Variants in CDH23 observed in about 807,000 individuals in gnomAD.
The protein encoded by CDH23 is cadherin-23.
Under a neutral mutation model 317.1 loss-of-function variants are expected in CDH23, and 189 were observed. The ratio of observed to expected loss-of-function variants is 0.60; its 90% CI spans 0.53 to 0.67. The LOEUF (loss-of-function observed/expected upper bound fraction) is 0.67, where lower values mean the gene tolerates loss of function less well. CDH23 is among the 30% of genes least tolerant of loss of function. The pLI, the probability that CDH23 is intolerant of heterozygous loss-of-function variation, is 0.00. For synonymous variants in CDH23, 1,839 were observed against 1,876.8 expected (o/e 0.98, Z 0.52); for missense variants, 4,401 against 4,592.4 (o/e 0.96, Z 1.20).
chr10:71,662,758 G>C (rs189576924), intron 14 of CDH23, among the ~76,000 whole-genome samples: 38 of 152,282 alleles, frequency 2.5e-4, no homozygotes, highest in Non-Finnish European at 5.9e-5. Flanking sequence ...TTGCTCCCTT[G>C]CCCCTTCCCT....
intron 11 of CDH23, among the ~76,000 whole-genome samples, chr10:71,618,835 G>T (rs1861326960): frequency 6.7e-6 from 1 of 149,780 alleles, no homozygotes; most frequent in African/African-American, 2.5e-5. Context: ...TCAAGTGTGT[G>T]TGCACACGTG....
chr10:71,766,860 C>T (rs547230779), intron 38 of CDH23, among the ~76,000 whole-genome samples: 7 of 152,300 alleles, frequency 4.6e-5, no homozygotes, highest in African/African-American at 1.4e-4. Flanking sequence ...AGTGGGCAGG[C>T]GGGGCTGATG....
chr10:71,439,966 T>G (rs1589309640), intron 2 of CDH23, 68 bp downstream of exon 2: 1 of 1,262,902 alleles, frequency 7.9e-7, no homozygotes, highest in Non-Finnish European at 1.1e-6. Context: ...CTGGAGGGTG[T>G]TGGGGCTGGT....
Position 71,739,689 on chromosome 10 carries a change from A to G in CDH23, c.4405A>G (p.Ile1469Val), listed in dbSNP as rs200635365. The change falls in exon 36 of 70, where the codon ATC becomes GTC. Residue 1469 changes from isoleucine (I) to valine (V), a missense_variant. Ile to Val is a conservative substitution (Grantham distance 29). Transcript: ENST00000224721. ...ASGNIAGAFE[I>V]VTTNDSIGEV... ...TGGCAACATCGCGGGGGCCTTTGAG[A>G]TCGTCACCACCAATGACTCCATTGG... is the stretch of plus-strand genomic sequence containing the variant. The G allele has an allele frequency of 2.0e-4, 317 of 1,613,370 alleles. No individual in the cohort carries two copies. The Middle Eastern group carries it at 2.8e-3, about 14-fold the overall frequency.
intron 21 of CDH23, 113 bp downstream of exon 21, chr10:71,694,372 G>A (rs1012036236): frequency 7.5e-6 from 6 of 797,554 alleles, no homozygotes; most frequent in African/African-American, 3.4e-5. Context: ...TTGTGAGAAT[G>A]AGCAAGGGGG....
rs773121051 is a variant in CDH23 at position 71,807,488 on chromosome 10, T to A, written c.8309-28T>A. ...ATGCCCTGCTCCTGGCCCTGCCCCC[T>A]CACCCTGTGCCATGATCCCACCCTC... On this transcript the variant is annotated intron_variant, in intron 58 of 69. Coordinates refer to ENST00000224721, the MANE Select transcript of CDH23 (RefSeq NM_022124.6). 3.7e-6 allele frequency: 6 copies of A among 1,612,836 alleles called. No individual in the cohort carries two copies. In the East Asian group the frequency reaches 1.3e-4, roughly 36 times the overall value.
chr10:71,480,122 G>A lies in CDH23; in HGVS notation c.146-29960G>A, dbSNP rs569745152. Reference sequence around the variant, plus strand: ...TGCTCCCCCACACCTTAGCTGGGAGGTGACACAGGTCATTTCCTCCTGTGG... The same window carrying A: ...TGCTCCCCCACACCTTAGCTGGGAGATGACACAGGTCATTTCCTCCTGTGG... On this transcript the variant is annotated intron_variant, in intron 3 of 69. Transcript: ENST00000224721. Among the ~76,000 whole-genome samples the A allele has an allele frequency of 4.6e-5, 7 of 152,340 alleles. No homozygotes were observed. In the South Asian group the frequency reaches 1.4e-3, roughly 32 times the overall value.
rs532858812 is a variant in CDH23 at position 71,606,738 on chromosome 10, A to T, written c.833-8766A>T. Reference sequence around the variant, plus strand: ...AAAAGAGGATAATGGAGAGAGAGTGACAGGGGTGAGGGTGGGAAGGTGGGG... The same window carrying T: ...AAAAGAGGATAATGGAGAGAGAGTGTCAGGGGTGAGGGTGGGAAGGTGGGG... On this transcript the variant is annotated intron_variant, in intron 9 of 69. Coordinates refer to ENST00000224721, the MANE Select transcript of CDH23 (RefSeq NM_022124.6). 2.0e-5 allele frequency among the ~76,000 whole-genome samples: 3 copies of T among 152,264 alleles called. No homozygotes were observed. In the South Asian group the frequency reaches 6.2e-4, roughly 32 times the overall value.
chr10:71,709,128 G>C lies in CDH23; in HGVS notation c.3137G>C (p.Gly1046Ala). ...AACGTGGATGGGAAGTTCAGCGTGG[G>C]TTACCGCGATGCCGTTGTGAGAACC... ...GGNVDGKFSV[G>A]YRDAVVRTVV... The change falls in exon 27 of 70, where the codon GGT becomes GCT. Residue 1046 changes from glycine to alanine, a missense_variant. Physicochemically the swap from Gly to Ala is moderately conservative, Grantham distance 60. Coordinates refer to ENST00000224721, the MANE Select transcript of CDH23 (RefSeq NM_022124.6). 6.2e-7 allele frequency: 1 copy of C among 1,613,968 alleles called. No individual in the cohort carries two copies. The highest frequency in any genetic ancestry group is 8.5e-7 in the Non-Finnish European group (1 of 1,179,900).
intron 29 of CDH23, 71 bp downstream of exon 29, chr10:71,724,176 C>T: frequency 6.6e-7 from 1 of 1,510,222 alleles, no homozygotes; most frequent in Non-Finnish European, 9.0e-7. Flanking sequence ...TCTAGGCTGC[C>T]AAAGGTCTGG....
intron 11 of CDH23, among the ~76,000 whole-genome samples, chr10:71,625,002 A>G (rs990329453): frequency 6.6e-6 from 1 of 152,108 alleles, no homozygotes; most frequent in African/African-American, 2.4e-5. Flanking sequence ...GATGAGCTTG[A>G]GTGACAGCAT....
In CDH23 at chr10:71,765,965, T is replaced by G. The variant is rs549271446; in HGVS notation, c.4846-11715T>G. Among the ~76,000 whole-genome samples the G allele has an allele frequency of 4.8e-4, 73 of 152,106 alleles. 1 individual carries two copies. Among genetic ancestry groups the G allele is most frequent in the South Asian group, 1.0e-3 (5 of 4,808 alleles). On this transcript the variant is annotated intron_variant, in intron 38 of 69. Transcript: ENST00000224721. Reference sequence around the variant, plus strand: ...ACACCCCATTTACTGTGTCTGAGACTCCAGCTGGGACAAGGCCCACAGCAG... The same window carrying G: ...ACACCCCATTTACTGTGTCTGAGACGCCAGCTGGGACAAGGCCCACAGCAG...
chr10:71,803,014 C>G lies in CDH23; in HGVS notation c.7599C>G (p.Ala2533=), dbSNP rs1402191479. Residue 2533 remains alanine (A), a synonymous_variant, in exon 54 of 70, where the codon GCC becomes GCG. Coordinates refer to ENST00000224721, the MANE Select transcript of CDH23 (RefSeq NM_022124.6). The part of the protein sequence containing the change: ...PAGTSVITMM[A]TDQDEGPNGE... ...GCACCTCGGTCATCACCATGATGGC[C>G]ACTGACCAGGATGAAGGTCCCAATG... is the stretch of plus-strand genomic sequence containing the variant. The G allele has an allele frequency of 3.1e-6, 5 of 1,613,986 alleles. No individual in the cohort carries two copies. In the East Asian group the frequency reaches 1.1e-4, roughly 36 times the overall value.
intron 11 of CDH23, among the ~76,000 whole-genome samples, chr10:71,632,591 G>A (rs1589279799): frequency 6.6e-6 from 1 of 152,140 alleles, no homozygotes; most frequent in South Asian, 2.1e-4. Flanking sequence ...TTCCAGCAAT[G>A]GGAGTGACAG....
At chr10:71,628,586 C>T (rs1467967565) in intron 11 of CDH23, among the ~76,000 whole-genome samples, 1 of 152,158 alleles carries the variant, frequency 6.6e-6, no homozygotes, top group Non-Finnish European at 1.5e-5. Context: ...GCAACCTCCA[C>T]CTCCCAGTTC....
intron 6 of CDH23, among the ~76,000 whole-genome samples, chr10:71,530,393 C>A (rs930770852): frequency 6.6e-6 from 1 of 152,228 alleles, no homozygotes; most frequent in Non-Finnish European, 1.5e-5. Flanking sequence ...GAGTCACAGT[C>A]CCAGGACAGG....
intron 1 of CDH23, among the ~76,000 whole-genome samples, chr10:71,403,326 CCTTTCTTTCTTTCTTT>C (rs201389920): frequency 0.027 from 1,652 of 60,228 alleles, 57 homozygotes; most frequent in Non-Finnish European, 0.032. Flanking sequence ...TTCCTTCCTT[CCTTTCTTTCTTTCTTT>C]CTTTCTTTCT....
chr10:71,583,922 C>T (rs1230464780), intron 9 of CDH23, among the ~76,000 whole-genome samples: 1 of 152,136 alleles, frequency 6.6e-6, no homozygotes, highest in African/African-American at 2.4e-5. Context: ...TCCCAGTTTC[C>T]ATGACAACCC....
intron 11 of CDH23, among the ~76,000 whole-genome samples, chr10:71,627,307 G>A (rs1213307577): frequency 6.6e-6 from 1 of 152,194 alleles, no homozygotes; most frequent in Non-Finnish European, 1.5e-5. Flanking sequence ...AGAGGGAGCG[G>A]ACAGCCCAGA....
Sources: allele counts gnomAD v4.1 joint callset (sites outside exome capture counted in the v4.1 genomes callset), GRCh38; gene constraint gnomAD v4.1.1; transcripts MANE v1.5; gene names NCBI Gene and HGNC (gene_info 2026-07-23, HGNC 2026-07-21).